The following GRIA1 variants were observed in gnomAD, a reference collection of about 807,000 sequenced individuals.
The protein encoded by GRIA1 is glutamate receptor 1.
GRIA1 carries 31 observed loss-of-function variants against 99.2 expected under a neutral mutation model. The ratio of observed to expected loss-of-function variants is 0.31; its 90% CI spans 0.23 to 0.42. GRIA1 has a LOEUF of 0.42. Among genes scored for constraint, GRIA1 ranks in the 10% least tolerant of loss-of-function variants. The probability of loss-of-function intolerance (pLI) is 1.00; values close to 1 mark genes in which losing one functional copy is unlikely to be tolerated. For synonymous variants in GRIA1, 438 were observed against 432.4 expected (o/e 1.01, Z -0.16); for missense variants, 782 against 1,157.5 (o/e 0.68, Z 4.71).
At chr5:153,562,544 T>A (rs1407827528) in intron 2 of GRIA1, among the ~76,000 whole-genome samples, 1 of 152,224 alleles carries the variant, frequency 6.6e-6, no homozygotes, top group Non-Finnish European at 1.5e-5. Flanking sequence ...TCATTGGAAA[T>A]TCATGCATGT....
chr5:153,559,036 G>C (rs4958345), intron 2 of GRIA1, among the ~76,000 whole-genome samples: 19,370 of 152,146 alleles, frequency 0.13, 2,428 homozygotes, highest in East Asian at 0.68. Flanking sequence ...GTCTTTCACT[G>C]TGTGACATTG....
At chr5:153,491,367 T>C in intron 1 of GRIA1, 1 of 956,300 alleles carries the variant, frequency 1.0e-6, no homozygotes, top group Non-Finnish European at 1.3e-6. Flanking sequence ...TTCACGTGTG[T>C]GATTATATAT....
chr5:153,751,078 C>A (rs1338600509), intron 11 of GRIA1, among the ~76,000 whole-genome samples: 1 of 152,076 alleles, frequency 6.6e-6, no homozygotes, highest in African/African-American at 2.4e-5. Flanking sequence ...CCAGCCTGGA[C>A]AACAAGAGCG....
At chr5:153,627,277 G>T (rs577579683) in intron 2 of GRIA1, among the ~76,000 whole-genome samples, 3 of 152,202 alleles carry the variant, frequency 2.0e-5, no homozygotes, top group Non-Finnish European at 4.4e-5. Context: ...GCACCATTGG[G>T]TGGGTACTAT....
At chr5:153,541,618 C>T (rs1759100887) in intron 2 of GRIA1, among the ~76,000 whole-genome samples, 1 of 152,130 alleles carries the variant, frequency 6.6e-6, no homozygotes, top group Non-Finnish European at 1.5e-5. Context: ...TACACTCTGG[C>T]AACTTCTAAT....
intron 8 of GRIA1, among the ~76,000 whole-genome samples, chr5:153,692,272 T>C (rs774655952): frequency 6.6e-6 from 1 of 152,218 alleles, no homozygotes; most frequent in Non-Finnish European, 1.5e-5. Context: ...TTTGTACTTT[T>C]CATGGTGCTT....
chr5:153,790,683 T>C (rs1425644276), intron 13 of GRIA1, among the ~76,000 whole-genome samples: 1 of 152,214 alleles, frequency 6.6e-6, no homozygotes, highest in African/African-American at 2.4e-5. Context: ...TATTTGAACA[T>C]CTTTACTTCT....
intron 2 of GRIA1, among the ~76,000 whole-genome samples, chr5:153,505,554 A>C (rs1755413754): frequency 6.6e-6 from 1 of 152,264 alleles, no homozygotes. Flanking sequence ...TAAAGTTTGA[A>C]GCAGAGCTAT....
At position 153,701,619 on chromosome 5, in the gene GRIA1, C is replaced by CAAAAAAAAA. The variant is rs70978504; in HGVS notation, c.1452+2561_1452+2569dup. ...CTGGGCGACAAAGCGAGACCCGTCT[C>CAAAAAAAAA]AAAAAAAAAAAAAAAAAAAAAAATA... is the stretch of plus-strand genomic sequence containing the variant. On this transcript the variant is annotated intron_variant, in intron 10 of 15. Transcript: ENST00000285900. 5.4e-3 allele frequency among the ~76,000 whole-genome samples: 214 copies of CAAAAAAAAA among 39,392 alleles called. 41 individuals are homozygous for CAAAAAAAAA. The highest frequency in any genetic ancestry group is 0.014 in the African/African-American group (149 of 10,854). The allele number at this position is 39,392 out of a possible 152,430, so 25.8% of individuals were successfully genotyped here.
intron 13 of GRIA1, among the ~76,000 whole-genome samples, chr5:153,789,382 A>G (rs868469959): frequency 6.6e-6 from 1 of 150,936 alleles, no homozygotes. Context: ...GTGTATATAT[A>G]TGATAATTTG....
At chr5:153,533,520 T>G (rs1360828335) in intron 2 of GRIA1, among the ~76,000 whole-genome samples, 2 of 152,104 alleles carry the variant, frequency 1.3e-5, no homozygotes, top group African/African-American at 4.8e-5. Flanking sequence ...AAAAGTCCAT[T>G]TCCCACTCTT....
chr5:153,719,504 G>C (rs773833814), intron 11 of GRIA1, among the ~76,000 whole-genome samples: 1 of 152,042 alleles, frequency 6.6e-6, no homozygotes, highest in South Asian at 2.1e-4. Flanking sequence ...TCTGGCAGCC[G>C]AGGCTTTTGG....
At chr5:153,787,852 G>A (rs1179607370) in intron 13 of GRIA1, among the ~76,000 whole-genome samples, 1 of 152,050 alleles carries the variant, frequency 6.6e-6, no homozygotes, top group Non-Finnish European at 1.5e-5. Context: ...AGGCTGAGGT[G>A]GGCAGATCAC....
At chr5:153,533,957 T>C (rs900364803) in intron 2 of GRIA1, among the ~76,000 whole-genome samples, 22 of 152,324 alleles carry the variant, frequency 1.4e-4, no homozygotes, top group African/African-American at 5.1e-4. Flanking sequence ...GAGCTAAGAA[T>C]GGAATTGAAA....
At chr5:153,613,414 T>C (rs1247547393) in intron 2 of GRIA1, among the ~76,000 whole-genome samples, 3 of 152,194 alleles carry the variant, frequency 2.0e-5, no homozygotes, top group Non-Finnish European at 2.9e-5. Flanking sequence ...AATCAGTGAA[T>C]ATACAAATAC....
At chr5:153,600,391 C>CAAAAAAAAA (rs57395601) in intron 2 of GRIA1, among the ~76,000 whole-genome samples, 1 of 51,500 alleles carries the variant, frequency 1.9e-5, no homozygotes, top group Non-Finnish European at 3.2e-5. Context: ...GACTCCATCT[C>CAAAAAAAAA]AAAAAAAAAA....
intron 11 of GRIA1, among the ~76,000 whole-genome samples, chr5:153,727,422 A>G (rs1275635765): frequency 1.3e-5 from 2 of 152,234 alleles, no homozygotes; most frequent in African/African-American, 2.4e-5. Flanking sequence ...AGAGTATTCA[A>G]TTAGGAAAAG....
rs1761608941 is a variant in GRIA1, at chr5:153,566,304, C to CTTTTTTTTTCTTTTT, written c.220+72248_220+72249insCTTTTTTTTTTTTTT. Among the ~76,000 whole-genome samples, 3 of 36,554 alleles carry CTTTTTTTTTCTTTTT rather than the reference C, an allele frequency of 8.2e-5. 1 individual carries two copies. The allele number at this position is 36,554 out of a possible 152,430, so 24.0% of individuals were successfully genotyped here. A position where few individuals can be genotyped will look rare whatever the true frequency, so the allele number is the denominator to read the frequency against. ...GAGAAATAGCTCTCCAATTCCCTGC[C>CTTTTTTTTTCTTTTT]TTTTTTTTTTTTTTTTCCAGAGACA... is the stretch of plus-strand genomic sequence containing the variant. On this transcript the variant is annotated intron_variant, in intron 2 of 15. Coordinates refer to ENST00000285900, the MANE Select transcript of GRIA1 (RefSeq NM_000827.4).
chr5:153,559,449 C>T (rs1446146007), intron 2 of GRIA1, among the ~76,000 whole-genome samples: 1 of 152,192 alleles, frequency 6.6e-6, no homozygotes, highest in East Asian at 1.9e-4. Context: ...ATGTCTCTTG[C>T]TTAAAACCTT....
Sources: allele counts gnomAD v4.1 joint callset (sites outside exome capture counted in the v4.1 genomes callset), GRCh38; gene constraint gnomAD v4.1.1; transcripts MANE v1.5; gene names NCBI Gene and HGNC (gene_info 2026-07-23, HGNC 2026-07-21).